Variants in EYS observed in about 807,000 individuals in gnomAD.
The protein encoded by EYS is EGF-like photoreceptor maintenance factor.
EYS carries 250 observed loss-of-function variants against 282.1 expected under a neutral mutation model. That is an observed-to-expected ratio of 0.89 (90% CI 0.80 to 0.98). EYS has a LOEUF of 0.98. Ranked by LOEUF, EYS falls within the 50% of genes least tolerant of loss-of-function variation. The pLI, the probability that EYS is intolerant of heterozygous loss-of-function variation, is 0.00. For missense variants in EYS, 4,016 were observed against 3,709.0 expected (o/e 1.08, Z -2.15); for synonymous variants, 1,355 against 1,282.9 (o/e 1.06, Z -1.20).
At chr6:65,469,276 G>T (rs1765121256) in intron 5 of EYS, among the ~76,000 whole-genome samples, 1 of 151,914 alleles carries the variant, frequency 6.6e-6, no homozygotes, top group South Asian at 2.1e-4. Context: ...AAGAAGTATG[G>T]TAACAACCAA....
At chr6:65,335,933 T>C (rs948271355) in intron 10 of EYS, among the ~76,000 whole-genome samples, 3 of 151,740 alleles carry the variant, frequency 2.0e-5, no homozygotes, top group African/African-American at 7.2e-5. Flanking sequence ...GGGGGCAGTT[T>C]CCCCCTTGCT....
At chr6:64,968,696 G>A (rs1269362113) in intron 14 of EYS, among the ~76,000 whole-genome samples, 1 of 151,968 alleles carries the variant, frequency 6.6e-6, no homozygotes, top group Non-Finnish European at 1.5e-5. Flanking sequence ...TTCTTTACTA[G>A]TCAATAGCCC....
chr6:65,403,488 G>T (rs895983420), intron 6 of EYS, among the ~76,000 whole-genome samples: 1 of 151,556 alleles, frequency 6.6e-6, no homozygotes, highest in Admixed American at 6.6e-5. Context: ...TAAAAAGCCC[G>T]TATACTTAAA....
intron 33 of EYS, among the ~76,000 whole-genome samples, chr6:64,041,895 T>A (rs1488679177): frequency 6.6e-6 from 1 of 152,220 alleles, no homozygotes; most frequent in African/African-American, 2.4e-5. Flanking sequence ...GATCTTTTTT[T>A]AAATGTTCAA....
At chr6:64,587,607 G>C (rs374296536) in intron 26 of EYS, among the ~76,000 whole-genome samples, 1 of 151,942 alleles carries the variant, frequency 6.6e-6, no homozygotes, top group African/African-American at 2.4e-5. Flanking sequence ...TAGATGTTAG[G>C]TGTACAAGAG....
intron 22 of EYS, among the ~76,000 whole-genome samples, chr6:64,772,511 T>C (rs983282643): frequency 9.9e-5 from 15 of 151,824 alleles, no homozygotes; most frequent in Admixed American, 6.6e-4. Context: ...TTACAGACAA[T>C]TCAATTATAG....
chr6:64,372,961 T>C (rs1772432760), intron 29 of EYS, among the ~76,000 whole-genome samples: 1 of 152,202 alleles, frequency 6.6e-6, no homozygotes, highest in Non-Finnish European at 1.5e-5. Context: ...TACCAGCTCC[T>C]ATACTGTTTT....
chr6:65,166,544 T>G (rs1581973695), intron 12 of EYS, among the ~76,000 whole-genome samples: 1 of 151,140 alleles, frequency 6.6e-6, no homozygotes, highest in East Asian at 2.0e-4. Context: ...TGGACCCTTA[T>G]CTCACATTAT....
intron 6 of EYS, among the ~76,000 whole-genome samples, chr6:65,403,100 T>TC (rs1766580875): frequency 6.6e-6 from 1 of 152,014 alleles, no homozygotes; most frequent in Admixed American, 6.6e-5. Flanking sequence ...CTAGACACTT[T>TC]CCGATGGCAA....
At chr6:64,048,714 A>G (rs1770708824) in intron 33 of EYS, among the ~76,000 whole-genome samples, 1 of 151,728 alleles carries the variant, frequency 6.6e-6, no homozygotes, top group East Asian at 1.9e-4. Flanking sequence ...TCATTTTTAT[A>G]TGACTATATG....
chr6:64,017,407 G>A (rs1278479497), intron 33 of EYS, among the ~76,000 whole-genome samples: 1 of 152,056 alleles, frequency 6.6e-6, no homozygotes, highest in Admixed American at 6.6e-5. Context: ...TACAATACGA[G>A]ATTTCATTTG....
chr6:64,594,953 G>A (rs1397388409), intron 24 of EYS, among the ~76,000 whole-genome samples: 2 of 151,956 alleles, frequency 1.3e-5, no homozygotes, highest in African/African-American at 4.8e-5. Context: ...CATTCTATGA[G>A]GCCAGCATTA....
chr6:65,139,469 C>T (rs1316000075), intron 12 of EYS, among the ~76,000 whole-genome samples: 1 of 151,984 alleles, frequency 6.6e-6, no homozygotes, highest in Non-Finnish European at 1.5e-5. Context: ...CAATCAAAAA[C>T]CTACTCATGG....
intron 12 of EYS, among the ~76,000 whole-genome samples, chr6:65,207,463 C>A (rs997675104): frequency 7.9e-5 from 12 of 151,688 alleles, no homozygotes; most frequent in Non-Finnish European, 1.5e-4. Flanking sequence ...CCAAAGCAGT[C>A]TACAGATTGA....
intron 31 of EYS, among the ~76,000 whole-genome samples, chr6:64,204,597 A>G (rs1765562580): frequency 6.6e-6 from 1 of 152,174 alleles, no homozygotes; most frequent in Admixed American, 6.5e-5. Flanking sequence ...ATAGTAGTAC[A>G]TACACACTAT....
At chr6:64,355,609 A>G (rs1178275498) in intron 29 of EYS, among the ~76,000 whole-genome samples, 1 of 151,672 alleles carries the variant, frequency 6.6e-6, no homozygotes, top group East Asian at 1.9e-4. Context: ...AAGCTTCTAA[A>G]TAAGTCTAAA....
At chr6:64,276,663 G>A (rs933935857) in intron 30 of EYS, among the ~76,000 whole-genome samples, 2 of 152,146 alleles carry the variant, frequency 1.3e-5, no homozygotes, top group African/African-American at 4.8e-5. Flanking sequence ...GTCAGTAATG[G>A]TGAAAGCATA....
intron 22 of EYS, among the ~76,000 whole-genome samples, chr6:64,773,904 T>G (rs1583142238): frequency 6.6e-6 from 1 of 152,048 alleles, no homozygotes; most frequent in East Asian, 1.9e-4. Context: ...GTTGATTGTT[T>G]CTTTTGCTGT....
At chr6:64,771,507 C>T (rs1264716800) in intron 22 of EYS, among the ~76,000 whole-genome samples, 3 of 151,514 alleles carry the variant, frequency 2.0e-5, no homozygotes, top group East Asian at 1.9e-4. Context: ...TTATAAATTG[C>T]TATTAAGTTT....
Sources: gnomAD v4.1 joint callset for allele counts (sites outside exome capture counted in the v4.1 genomes callset) on GRCh38, gnomAD v4.1.1 for gene constraint, MANE v1.5 for transcripts, NCBI Gene and HGNC (gene_info 2026-07-23, HGNC 2026-07-21) for gene names.